Variants in SPACA1 observed in about 807,000 individuals in gnomAD.
SPACA1 encodes sperm acrosome membrane-associated protein 1.
A neutral mutation model predicts 32.6 loss-of-function variants in SPACA1; 17 were observed. The observed-to-expected ratio is 0.52, with a 90% CI of 0.36 to 0.78. The LOEUF (loss-of-function observed/expected upper bound fraction) is 0.78, where lower values mean the gene tolerates loss of function less well. Ranked by LOEUF, SPACA1 falls within the 30% of genes least tolerant of loss-of-function variation. SPACA1 has a pLI of 0.01. For synonymous variants in SPACA1, 140 were observed against 138.1 expected, an observed-to-expected ratio of 1.01 and a Z score of -0.10; for missense variants, 363 against 373.4, an observed-to-expected ratio of 0.97 and a Z score of 0.23.
chr6:88,066,371 C>A lies in SPACA1; in HGVS notation c.*36C>A, dbSNP rs1222123807. On this transcript the variant is annotated 3_prime_UTR_variant, in exon 7 of 7. Transcript: ENST00000237201. ...ATATATAACAAACCAAAGGATATTA[C>A]AGAATATTAGATTCATTATTACAAA... is the stretch of plus-strand genomic sequence containing the variant. The A allele has an allele frequency of 6.5e-7, 1 of 1,538,616 alleles. No individual in the cohort carries two copies. Among genetic ancestry groups the A allele is most frequent in the Non-Finnish European group, 8.8e-7 (1 of 1,136,142 alleles).
intron 5 of SPACA1, among the ~76,000 whole-genome samples, chr6:88,063,083 A>C (rs1359216528): frequency 6.6e-6 from 1 of 152,218 alleles, no homozygotes; most frequent in Non-Finnish European, 1.5e-5. Context: ...TGAATAGGCA[A>C]GCCAAAATCT....
chr6:88,051,961 T>C (rs988881652), intron 1 of SPACA1, among the ~76,000 whole-genome samples: 41 of 152,344 alleles, frequency 2.7e-4, no homozygotes, highest in Admixed American at 2.7e-3. Context: ...AACTGGTTAA[T>C]TAACAACTGT....
rs1582265039 is a variant in SPACA1, at chr6:88,047,974, C to T, written c.69C>T (p.Gly23=). The part of the protein sequence containing the change: ...LMTVGWLLLA[G]LQSARGTNVT... ...CTGTCGGCTGGCTGCTTCTGGCGGGCCTCCAGTCCGCGCGCGGGACCAACG... is the reference window on the plus strand; with the variant it reads ...CTGTCGGCTGGCTGCTTCTGGCGGGTCTCCAGTCCGCGCGCGGGACCAACG... Residue 23 remains glycine (G), a synonymous_variant, in exon 1 of 7, where the codon GGC becomes GGT. Transcript: ENST00000237201. 2 of 1,564,810 alleles carry T rather than the reference C, an allele frequency of 1.3e-6. No homozygotes were observed. Among genetic ancestry groups the T allele is most frequent in the African/African-American group, 1.4e-5 (1 of 73,952 alleles).
chr6:88,052,643 C>T (rs1232147987), intron 1 of SPACA1, among the ~76,000 whole-genome samples: 1 of 152,056 alleles, frequency 6.6e-6, no homozygotes, highest in African/African-American at 2.4e-5. Flanking sequence ...TTGAGACCAG[C>T]CTGGCCAACA....
chr6:88,059,675 C>A (rs893108466), intron 5 of SPACA1, 87 bp downstream of exon 5: 11 of 1,283,660 alleles, frequency 8.6e-6, no homozygotes, highest in African/African-American at 7.6e-5. Context: ...AAACACCAGT[C>A]TCTAGCCCTC....
chr6:88,048,105 C>T lies in SPACA1; in HGVS notation c.200C>T (p.Thr67Ile). The change falls in exon 1 of 7, where the codon ACC becomes ATC. Residue 67 changes from threonine to isoleucine, a missense_variant. Thr to Ile is a moderately conservative substitution (Grantham distance 89). Coordinates refer to ENST00000237201, the MANE Select transcript of SPACA1 (RefSeq NM_030960.3). ...GCGGAGAACTACGCTCCGCCTGAAACCGAGGATGGTGAGGGCGGGAGCTCC... is the reference window on the plus strand; with the variant it reads ...GCGGAGAACTACGCTCCGCCTGAAATCGAGGATGGTGAGGGCGGGAGCTCC... ...ETAENYAPPE[T>I]EDVSNRNVVK... 6.3e-7 allele frequency: 1 copy of T among 1,590,678 alleles called. No homozygotes were observed. The highest frequency in any genetic ancestry group is 1.2e-5 in the South Asian group (1 of 86,870).
At chr6:88,050,107 A>G (rs887537982) in intron 1 of SPACA1, among the ~76,000 whole-genome samples, 6 of 152,202 alleles carry the variant, frequency 3.9e-5, no homozygotes, top group Non-Finnish European at 8.8e-5. Flanking sequence ...TTATATACAT[A>G]TCTTTCATCA....
chr6:88,059,765 G>C (rs1775865623), intron 5 of SPACA1, among the ~76,000 whole-genome samples, 177 bp downstream of exon 5: 1 of 152,202 alleles, frequency 6.6e-6, no homozygotes, highest in East Asian at 1.9e-4. Context: ...CCCTGTTGCT[G>C]CTGGTCCAGA....
chr6:88,058,775 C>T lies in SPACA1; in HGVS notation c.427C>T (p.Pro143Ser), dbSNP rs765647053. The T allele has an allele frequency of 1.2e-6, 2 of 1,613,794 alleles. No individual in the cohort carries two copies. The highest frequency in any genetic ancestry group is 1.1e-5 in the South Asian group (1 of 91,028). ...TAGATTGGCATGTATTCACACATCTCCCTTAAATCGTTTCAAATATATGTG... is the reference window on the plus strand; with the variant it reads ...TAGATTGGCATGTATTCACACATCTTCCTTAAATCGTTTCAAATATATGTG... ...SVRLACIHTSPLNRFKYMWKL... is the reference protein window; with the variant it reads ...SVRLACIHTSSLNRFKYMWKL... Residue 143 changes from proline (P) to serine (S), a missense_variant, in exon 4 of 7, where the codon CCC becomes TCC. Pro to Ser is a moderately conservative substitution (Grantham distance 74, BLOSUM62 -1). Transcript: ENST00000237201.
chr6:88,051,560 C>A (rs1582267615), intron 1 of SPACA1, among the ~76,000 whole-genome samples: 1 of 152,198 alleles, frequency 6.6e-6, no homozygotes, highest in East Asian at 1.9e-4. Flanking sequence ...GGATGCCAGG[C>A]TTTTGTTAGT....
chr6:88,063,631 A>G (rs1015634087), intron 5 of SPACA1, among the ~76,000 whole-genome samples: 3 of 152,194 alleles, frequency 2.0e-5, no homozygotes, highest in African/African-American at 7.2e-5. Context: ...TTAGTTACAT[A>G]TATGAGTTTG....
intron 1 of SPACA1, among the ~76,000 whole-genome samples, chr6:88,052,466 T>C (rs1381742029): frequency 2.0e-5 from 3 of 152,216 alleles, no homozygotes; most frequent in Admixed American, 6.5e-5. Flanking sequence ...GTCTAAATCA[T>C]TTATTTTCGT....
At chr6:88,065,550 A>G (rs1198022116) in intron 6 of SPACA1, among the ~76,000 whole-genome samples, 6 of 149,972 alleles carry the variant, frequency 4.0e-5, no homozygotes, top group African/African-American at 7.3e-5. Flanking sequence ...TTTTTAGTTT[A>G]TGATGCATCA....
chr6:88,066,104 T>C, intron 6 of SPACA1, 78 bp from the exon 7 acceptor site: 5 of 1,176,132 alleles, frequency 4.3e-6, no homozygotes, highest in Non-Finnish European at 5.9e-6. Flanking sequence ...TATATTTCTA[T>C]ACATAGAAAA....
rs1161059125 is a variant in SPACA1 at position 88,062,578 on chromosome 6, G to A, written c.611-1521G>A. ...AATGTAGCAATACTGTAATACATAC[G>A]GTAGATTGGCTTTGTCTCTTTGATA... On this transcript the variant is annotated intron_variant, in intron 5 of 6. Transcript: ENST00000237201. 2.0e-5 allele frequency among the ~76,000 whole-genome samples: 3 copies of A among 152,124 alleles called. No individual in the cohort carries two copies. In the East Asian group the frequency reaches 5.8e-4, roughly 29 times the overall value.
chr6:88,049,251 T>G (rs1204077125), intron 1 of SPACA1, among the ~76,000 whole-genome samples: 1 of 152,224 alleles, frequency 6.6e-6, no homozygotes, highest in African/African-American at 2.4e-5. Flanking sequence ...ATTAACAATT[T>G]TAGTATTAAA....
Position 88,066,227 on chromosome 6 carries a change from G to A in SPACA1, c.777G>A (p.Glu259=), listed in dbSNP as rs760408563. The A allele has an allele frequency of 3.1e-6, 5 of 1,611,340 alleles. No homozygotes were observed. Among genetic ancestry groups the A allele is most frequent in the Non-Finnish European group, 4.2e-6 (5 of 1,178,352 alleles). ...AFWGAKASTP[E]VQSEQSSVRY... ...GGGGGGCAAAAGCCTCTACACCTGA[G>A]GTACAATCCGAGCAGAGTTCTGTGA... is the stretch of plus-strand genomic sequence containing the variant. The change falls in exon 7 of 7, where the codon GAG becomes GAA. Residue 259 remains glutamate, a synonymous_variant. Transcript: ENST00000237201.
chr6:88,057,791 A>G, intron 3 of SPACA1, 78 bp downstream of exon 3: 1 of 1,239,284 alleles, frequency 8.1e-7, no homozygotes. Flanking sequence ...TCAGGTTGCC[A>G]CTGAGTAGAA....
In SPACA1 at chr6:88,049,364, GTTAC is replaced by G. The variant is rs1775695048; in HGVS notation, c.208+1255_208+1258del. Among the ~76,000 whole-genome samples, 5 of 152,184 alleles carry G rather than the reference GTTAC, an allele frequency of 3.3e-5. No homozygotes were observed. In the South Asian group the frequency reaches 1.0e-3, roughly 32 times the overall value. On this transcript the variant is annotated intron_variant, in intron 1 of 6. Transcript: ENST00000237201. ...TACCTTCAAATTAAAATGTAGGTTA[GTTAC>G]TTATTCTCTGAGTCACAGTTTCCTC...
Sources: allele counts gnomAD v4.1 joint callset (sites outside exome capture counted in the v4.1 genomes callset), GRCh38; gene constraint gnomAD v4.1.1; transcripts MANE v1.5; gene names NCBI Gene and HGNC (gene_info 2026-07-23, HGNC 2026-07-21).